The following PRELID2 variants were observed in gnomAD, a reference collection of about 807,000 sequenced individuals.
The protein encoded by PRELID2 is PRELI domain-containing protein 2.
PRELID2 carries 25 observed loss-of-function variants against 28.4 expected under a neutral mutation model. The ratio of observed to expected loss-of-function variants is 0.88; its 90% CI spans 0.64 to 1.23. The LOEUF (loss-of-function observed/expected upper bound fraction) is 1.23. Among genes scored for constraint, PRELID2 ranks in the 50% most tolerant of loss-of-function variants. The pLI is 0.00. For missense variants in PRELID2, 201 were observed against 214.4 expected (o/e 0.94, Z 0.39); for synonymous variants, 76 against 71.6 (o/e 1.06, Z -0.31).
chr5:145,579,299 T>C (rs1007668870), intron 1 of PRELID2, among the ~76,000 whole-genome samples: 3 of 152,130 alleles, frequency 2.0e-5, no homozygotes, highest in African/African-American at 7.2e-5. Flanking sequence ...CATATAATTC[T>C]TGTAAATTAT....
At chr5:145,753,170 C>T (rs1757169067), downstream of PRELID2, among the ~76,000 whole-genome samples, 1 of 152,214 alleles carries the variant, frequency 6.6e-6, no homozygotes, top group African/African-American at 2.4e-5. Context: ...CTCTAACCTT[C>T]TCTGAGAATG....
the PRELID2 span, among the ~76,000 whole-genome samples, chr5:145,323,351 T>G: frequency 6.6e-6 from 1 of 152,158 alleles, no homozygotes; most frequent in South Asian, 2.1e-4. Flanking sequence ...GGGATATGGC[T>G]TAGACTACAA....
the PRELID2 span, among the ~76,000 whole-genome samples, chr5:145,249,108 C>G: frequency 6.6e-6 from 1 of 152,174 alleles, no homozygotes; most frequent in Admixed American, 6.6e-5. Context: ...ATATGACCCT[C>G]ATTTTTAAAC....
intron 1 of PRELID2, among the ~76,000 whole-genome samples, chr5:145,620,875 CT>C (rs1753765302): frequency 6.6e-6 from 1 of 152,064 alleles, no homozygotes; most frequent in South Asian, 2.1e-4. Flanking sequence ...AAATAAATAA[CT>C]TACAAAAGAA....
intron 1 of PRELID2, among the ~76,000 whole-genome samples, chr5:145,474,489 C>T (rs1389794006): frequency 6.6e-6 from 1 of 152,112 alleles, no homozygotes; most frequent in East Asian, 1.9e-4. Flanking sequence ...CATTTGGCAG[C>T]CCTGCAAATC....
intron 1 of PRELID2, among the ~76,000 whole-genome samples, chr5:145,735,033 TCAGG>T (rs1363343079): frequency 6.6e-6 from 1 of 152,032 alleles, no homozygotes; most frequent in Non-Finnish European, 1.5e-5. Flanking sequence ...GATCATGAAG[TCAGG>T]AATTCGAGAC....
the PRELID2 span, among the ~76,000 whole-genome samples, chr5:145,324,290 C>A: frequency 6.6e-6 from 1 of 152,122 alleles, no homozygotes; most frequent in East Asian, 1.9e-4. Context: ...TAGCCTGGGA[C>A]ATGTCTAAAA....
intron 1 of PRELID2, among the ~76,000 whole-genome samples, chr5:145,683,089 G>C (rs1173432417): frequency 6.6e-6 from 1 of 152,150 alleles, no homozygotes; most frequent in African/African-American, 2.4e-5. Context: ...AGTCAGAGAA[G>C]ACCAGTATTT....
At chr5:145,298,048 G>T in the PRELID2 span, among the ~76,000 whole-genome samples, 2 of 152,022 alleles carry the variant, frequency 1.3e-5, no homozygotes, top group African/African-American at 4.8e-5. Context: ...TACTGCCCAA[G>T]GTAATTTATA....
intron 5 of PRELID2, among the ~76,000 whole-genome samples, chr5:145,790,439 G>A (rs976331157): frequency 6.6e-6 from 1 of 152,094 alleles, no homozygotes; most frequent in African/African-American, 2.4e-5. Flanking sequence ...TAAACTCATA[G>A]AAGTAGAGAG....
intron 5 of PRELID2, among the ~76,000 whole-genome samples, chr5:145,771,842 C>A (rs1020872017): frequency 3.3e-5 from 5 of 151,546 alleles, no homozygotes. Context: ...GCAATAAGAG[C>A]AAGACTCCAT....
At chr5:145,641,734 C>G (rs771617227) in intron 1 of PRELID2, among the ~76,000 whole-genome samples, 6 of 152,318 alleles carry the variant, frequency 3.9e-5, no homozygotes, top group East Asian at 1.9e-4. Flanking sequence ...TCTCATTGTT[C>G]AACTCCCACT....
At chr5:145,715,967 C>T (rs903091126) in intron 1 of PRELID2, among the ~76,000 whole-genome samples, 10 of 152,140 alleles carry the variant, frequency 6.6e-5, no homozygotes, top group African/African-American at 2.2e-4. Context: ...ACCCATGGCC[C>T]TCTGGCTGCG....
At chr5:145,737,788 A>AGGG (rs1756539723) in intron 1 of PRELID2, among the ~76,000 whole-genome samples, 1 of 152,026 alleles carries the variant, frequency 6.6e-6, no homozygotes, top group Non-Finnish European at 1.5e-5. Flanking sequence ...CAGGGAGGGC[A>AGGG]GGGGGCCAAT....
intron 1 of PRELID2, among the ~76,000 whole-genome samples, chr5:145,677,594 T>C (rs1296141444): frequency 6.6e-6 from 1 of 152,216 alleles, no homozygotes; most frequent in Non-Finnish European, 1.5e-5. Flanking sequence ...TGGCCAAGAA[T>C]TGACCATTAT....
At chr5:145,740,269 T>C (rs112821726) in intron 1 of PRELID2, among the ~76,000 whole-genome samples, 1 of 5,166 alleles carries the variant, frequency 1.9e-4, no homozygotes, top group African/African-American at 2.4e-3. Flanking sequence ...TTATCAAATA[T>C]ATATATATAT....
chr5:145,563,992 C>G (rs1752944747), intron 1 of PRELID2, among the ~76,000 whole-genome samples: 1 of 152,168 alleles, frequency 6.6e-6, no homozygotes, highest in Admixed American at 6.5e-5. Context: ...AAAGTCTTTT[C>G]ACTATGCATA....
the PRELID2 span, among the ~76,000 whole-genome samples, chr5:145,453,148 G>A: frequency 6.6e-6 from 1 of 152,090 alleles, no homozygotes; most frequent in East Asian, 1.9e-4. Context: ...TACTTCCCAA[G>A]CATGAAATTT....
chr5:145,681,301 T>C (rs1331765170), intron 1 of PRELID2, among the ~76,000 whole-genome samples: 1 of 152,212 alleles, frequency 6.6e-6, no homozygotes, highest in Non-Finnish European at 1.5e-5. Flanking sequence ...TCTGCTACCA[T>C]GGAATGGCCC....
Sources: gnomAD v4.1 joint callset for allele counts (sites outside exome capture counted in the v4.1 genomes callset) on GRCh38, gnomAD v4.1.1 for gene constraint, MANE v1.5 for transcripts, NCBI Gene and HGNC (gene_info 2026-07-23, HGNC 2026-07-21) for gene names.